The following PPARGC1B variants were observed in gnomAD, a reference collection of about 807,000 sequenced individuals.
The protein encoded by PPARGC1B is peroxisome proliferator-activated receptor gamma coactivator 1-beta.
PPARGC1B carries 34 observed loss-of-function variants against 101.6 expected under a neutral mutation model. That is an observed-to-expected ratio of 0.33 (90% CI 0.25 to 0.45). The LOEUF (loss-of-function observed/expected upper bound fraction) is 0.45. PPARGC1B is among the 20% of genes least tolerant of loss of function. The probability of loss-of-function intolerance (pLI) is 1.00; values close to 1 mark genes in which losing one functional copy is unlikely to be tolerated. For synonymous variants in PPARGC1B, 548 were observed against 539.3 expected, an observed-to-expected ratio of 1.02 and a Z score of -0.22; for missense variants, 1,234 against 1,317.6, an observed-to-expected ratio of 0.94 and a Z score of 0.98.
chr5:149,744,039 A>G (rs1755000167), intron 1 of PPARGC1B, among the ~76,000 whole-genome samples: 1 of 152,134 alleles, frequency 6.6e-6, no homozygotes, highest in African/African-American at 2.4e-5. Context: ...CACTTACTCC[A>G]GAGAGACTAG....
At chr5:149,747,277 T>C (rs762195627) in intron 1 of PPARGC1B, among the ~76,000 whole-genome samples, 14 of 152,244 alleles carry the variant, frequency 9.2e-5, no homozygotes, top group African/African-American at 2.7e-4. Context: ...TGTTTATATA[T>C]GGTGTAAGGT....
intron 1 of PPARGC1B, among the ~76,000 whole-genome samples, chr5:149,757,588 G>T (rs928049203): frequency 7.2e-5 from 11 of 152,234 alleles, no homozygotes; most frequent in African/African-American, 2.7e-4. Context: ...GGGCTTCCTC[G>T]TTGGCTCTCC....
chr5:149,809,079 C>A (rs372967207), intron 1 of PPARGC1B, among the ~76,000 whole-genome samples: 1 of 151,240 alleles, frequency 6.6e-6, no homozygotes, highest in East Asian at 1.9e-4. Context: ...AGTTTGAGAC[C>A]GGCCTGGACA....
intron 3 of PPARGC1B, among the ~76,000 whole-genome samples, chr5:149,828,366 C>T (rs1211984554): frequency 6.6e-6 from 1 of 152,212 alleles, no homozygotes; most frequent in African/African-American, 2.4e-5. Flanking sequence ...CCTCTCTAAG[C>T]CTCGGCTTCC....
At chr5:149,811,756 G>C (rs939659013) in intron 1 of PPARGC1B, among the ~76,000 whole-genome samples, 1 of 152,222 alleles carries the variant, frequency 6.6e-6, no homozygotes, top group African/African-American at 2.4e-5. Context: ...CAAATGATAA[G>C]AAGTTTGATG....
At chr5:149,731,853 G>A (rs1031869973) in intron 1 of PPARGC1B, among the ~76,000 whole-genome samples, 2 of 152,094 alleles carry the variant, frequency 1.3e-5, no homozygotes, top group African/African-American at 4.8e-5. Context: ...GTCGCCGAGA[G>A]GAAGCCCGCC....
chr5:149,837,179 CTG>C lies in PPARGC1B; in HGVS notation c.2618+107_2618+108del. On this transcript the variant is annotated intron_variant, in intron 8 of 11. Transcript: ENST00000309241. The surrounding 1 kb of genome is among the most constrained non-coding windows in gnomAD (Gnocchi z 4.2). ...GATCCCTGGGAAGCTTGCTCTGAAACTGAGGCTGCATCTCCCAGTGTGGCCCA... is the reference window on the plus strand; with the variant it reads ...GATCCCTGGGAAGCTTGCTCTGAAACAGGCTGCATCTCCCAGTGTGGCCCA... 6.8e-7 allele frequency: 1 copy of C among 1,481,230 alleles called. No individual in the cohort carries two copies. The highest frequency in any genetic ancestry group is 1.4e-5 in the South Asian group (1 of 72,510). The allele number at this position is 1,481,230 out of a possible 1,614,324, so 91.8% of individuals were successfully genotyped here. A position where few individuals can be genotyped will look rare whatever the true frequency, so the allele number is the denominator to read the frequency against.
intron 1 of PPARGC1B, among the ~76,000 whole-genome samples, chr5:149,805,463 G>A (rs148659366): frequency 1.2e-3 from 176 of 152,166 alleles, no homozygotes; most frequent in African/African-American, 3.7e-3. Context: ...TTTTTGAGAC[G>A]GAGTCTCACT....
In PPARGC1B at chr5:149,850,984, A is replaced by C. The variant is rs1759742994; in HGVS notation, c.*3426A>C. 1.3e-5 allele frequency: 2 copies of C among 152,032 alleles called. No individual in the cohort carries two copies. The highest frequency in any genetic ancestry group is 2.4e-5 in the African/African-American group (1 of 41,370). The allele number at this position is 152,032 out of a possible 1,614,324, so 9.4% of individuals were successfully genotyped here. A position where few individuals can be genotyped will look rare whatever the true frequency, so the allele number is the denominator to read the frequency against. ...GGCCCCCACCCCCTGCTCCGTCACAACTTGCCCCCTCAACCAAAAAGCTGC... is the reference window on the plus strand; with the variant it reads ...GGCCCCCACCCCCTGCTCCGTCACACCTTGCCCCCTCAACCAAAAAGCTGC... On this transcript the variant is annotated 3_prime_UTR_variant, in exon 12 of 12. Transcript: ENST00000309241.
At chr5:149,755,046 CATATACATATATAT>C (rs147400010) in intron 1 of PPARGC1B, among the ~76,000 whole-genome samples, 16,604 of 105,506 alleles carry the variant, frequency 0.16, 1,179 homozygotes, top group East Asian at 0.28. Context: ...TATACATATA[CATATACATATATAT>C]ATATATATAT....
intron 1 of PPARGC1B, among the ~76,000 whole-genome samples, chr5:149,738,607 A>ATT (rs537635139): frequency 2.5e-4 from 36 of 145,546 alleles, no homozygotes; most frequent in Admixed American, 1.5e-3. Flanking sequence ...TCTGGAAAGC[A>ATT]TTTTTTTTTT....
At chr5:149,826,949 A>G (rs1758552417) in intron 3 of PPARGC1B, 64 bp downstream of exon 3, 1 of 1,318,480 alleles carries the variant, frequency 7.6e-7, no homozygotes, top group Admixed American at 1.8e-5. Flanking sequence ...GGTTCAGGGC[A>G]TGGGGTGCAG....
intron 1 of PPARGC1B, among the ~76,000 whole-genome samples, chr5:149,753,676 G>A (rs1352652636): frequency 6.6e-6 from 1 of 151,996 alleles, no homozygotes; most frequent in Non-Finnish European, 1.5e-5. Context: ...CAGTTAAAAG[G>A]TGTTGTGTAT....
At chr5:149,799,324 T>G (rs1757343504) in intron 1 of PPARGC1B, among the ~76,000 whole-genome samples, 1 of 152,130 alleles carries the variant, frequency 6.6e-6, no homozygotes, top group South Asian at 2.1e-4. Flanking sequence ...GGAGCTGAAT[T>G]TACCCTCTGA....
At chr5:149,748,321 A>C (rs879721236) in intron 1 of PPARGC1B, among the ~76,000 whole-genome samples, 40,239 of 147,268 alleles carry the variant, frequency 0.27, 5,675 homozygotes, top group East Asian at 0.37. Flanking sequence ...AGATATAGAT[A>C]TATCTATATA....
At chr5:149,827,190 A>G (rs1451199720) in intron 3 of PPARGC1B, among the ~76,000 whole-genome samples, 6 of 152,246 alleles carry the variant, frequency 3.9e-5, no homozygotes, top group Admixed American at 2.6e-4. Context: ...TTTCCTGAAG[A>G]TTGCACACAC....
At chr5:149,779,771 C>T (rs1011521400) in intron 1 of PPARGC1B, among the ~76,000 whole-genome samples, 1 of 152,110 alleles carries the variant, frequency 6.6e-6, no homozygotes, top group African/African-American at 2.4e-5. Context: ...TGAGAGGCCT[C>T]CGGAGGTGGC....
At chr5:149,796,078 A>G (rs1050548457) in intron 1 of PPARGC1B, among the ~76,000 whole-genome samples, 1 of 152,232 alleles carries the variant, frequency 6.6e-6, no homozygotes, top group Non-Finnish European at 1.5e-5. Flanking sequence ...GGGGTCGACC[A>G]GTAACACACA....
intron 1 of PPARGC1B, among the ~76,000 whole-genome samples, chr5:149,805,013 C>T (rs567090614): frequency 2.6e-5 from 4 of 152,312 alleles, no homozygotes; most frequent in Middle Eastern, 3.4e-3. Context: ...CCCTGGTATC[C>T]GCTCTGCCTC....
Sources: allele counts gnomAD v4.1 joint callset (sites outside exome capture counted in the v4.1 genomes callset), GRCh38; gene constraint gnomAD v4.1.1; non-coding constraint Gnocchi (gnomAD v3.1); transcripts MANE v1.5; gene names NCBI Gene and HGNC (gene_info 2026-07-23, HGNC 2026-07-21).